The following PCARE variants were observed in gnomAD, a reference collection of about 807,000 sequenced individuals.
PCARE encodes photoreceptor cilium actin regulator.
A neutral mutation model predicts 82.2 loss-of-function variants in PCARE; 72 were observed. That is an observed-to-expected ratio of 0.88 (90% confidence interval 0.72 to 1.07). PCARE has a LOEUF of 1.07. PCARE is among the 50% of genes least tolerant of loss of function. The pLI is 0.00. For synonymous variants in PCARE, 705 were observed against 634.8 expected (o/e 1.11, Z -1.66); for missense variants, 1,768 against 1,592.4 (o/e 1.11, Z -1.88).
At chr2:29,068,197 G>T (rs1012548152) in intron 1 of PCARE, among the ~76,000 whole-genome samples, 4 of 152,196 alleles carry the variant, frequency 2.6e-5, no homozygotes, top group African/African-American at 9.7e-5. Flanking sequence ...GCTCATTTTA[G>T]ATTTAAGAAA....
rs1435199229 is a variant in PCARE, at chr2:29,074,082, C to T, written c.180G>A (p.Glu60=). The T allele has an allele frequency of 1.2e-6, 2 of 1,614,234 alleles. No homozygotes were observed. Among genetic ancestry groups the T allele is most frequent in the Non-Finnish European group, 1.7e-6 (2 of 1,180,048 alleles). The change falls in exon 1 of 2, where the codon GAG becomes GAA. Residue 60 remains glutamate, a synonymous_variant. Transcript: ENST00000331664. ...TTTGGTTCCTCCTGGGACTTGGCTG[C>T]TCCTCTGCCAGGCCCTCCCCAGCGT... ...CYDAGEGLAE[E]QPSPRRNQTT...
In PCARE at chr2:29,070,668, C is replaced by T. The variant is rs910188540; in HGVS notation, c.3594G>A (p.Gln1198=). 8.7e-6 allele frequency: 14 copies of T among 1,614,040 alleles called. No individual in the cohort carries two copies. In the Admixed American group the frequency reaches 1.7e-4, roughly 19 times the overall value. The change falls in exon 1 of 2, where the codon CAG becomes CAA. Residue 1198 remains glutamine, a synonymous_variant. Coordinates refer to ENST00000331664, the MANE Select transcript of PCARE (RefSeq NM_001029883.3). ...TGGGAGGCTGCGGTCGGCCACCTGGCTGGCGGTCAGAAGCTGTCCTCCTGA... is the reference window on the plus strand; with the variant it reads ...TGGGAGGCTGCGGTCGGCCACCTGGTTGGCGGTCAGAAGCTGTCCTCCTGA... ...PFLRRTASDR[Q]PGGRPQPPTL... is the part of the protein sequence containing the mutation.
chr2:29,072,223 T>TGG lies in PCARE; in HGVS notation c.2038_2039insCC (p.Gln680ProfsTer66). 6.2e-7 allele frequency: 1 copy of TGG among 1,614,252 alleles called. No individual in the cohort carries two copies. The highest frequency in any genetic ancestry group is 8.5e-7 in the Non-Finnish European group (1 of 1,180,044). The stretch of plus-strand genomic sequence containing the variant: ...GCATTTCTGCAAGATGCTCTTGTCC[T>TGG]GACTAGGCAAAATACTGAAGTTCTT... On this transcript the variant is annotated frameshift_variant, in exon 1 of 2. Transcript: ENST00000331664. LOFTEE classifies it high-confidence loss of function.
At position 29,070,913 on chromosome 2, in the gene PCARE, C is replaced by A. The variant is rs1286977865; in HGVS notation, c.3349G>T (p.Gly1117Trp). ...GGGCAGAATATGGAATGTGTGTTCC[C>A]AGACACTTTGGCTATGACTGCTTGG... ...DSQAVIAKVS[G>W]NTHSIFCPAT... The change falls in exon 1 of 2, where the codon GGG (glycine) becomes TGG (tryptophan). Residue 1117 changes from glycine to tryptophan, a missense_variant. By Grantham distance (184) the Gly-to-Trp change is radical (BLOSUM62 -2). Transcript: ENST00000331664. 7 of 1,613,820 alleles carry A rather than the reference C, an allele frequency of 4.3e-6. No individual in the cohort carries two copies. Among genetic ancestry groups the A allele is most frequent in the Non-Finnish European group, 4.2e-6 (5 of 1,180,002 alleles).
At position 29,072,449 on chromosome 2, in the gene PCARE, C is replaced by T. The variant is rs1667508082; in HGVS notation, c.1813G>A (p.Glu605Lys). 6.2e-7 allele frequency: 1 copy of T among 1,614,218 alleles called. No homozygotes were observed. The highest frequency in any genetic ancestry group is 8.5e-7 in the Non-Finnish European group (1 of 1,180,032). Residue 605 changes from glutamate to lysine, a missense_variant, in exon 1 of 2, where the codon GAG (glutamate) becomes AAG (lysine). Coordinates refer to ENST00000331664, the MANE Select transcript of PCARE (RefSeq NM_001029883.3). Reference protein sequence around the residue: ...QSESCLQSHVEDPTFQELRRV... With the variant: ...QSESCLQSHVKDPTFQELRRV... ...CGCAGCTCCTGAAAGGTGGGGTCCT[C>T]CACGTGACTCTGGAGACACGACTCT...
chr2:29,071,273 TG>T lies in PCARE; in HGVS notation c.2988del (p.Thr997ArgfsTer38). The T allele has an allele frequency of 1.2e-6, 2 of 1,613,506 alleles. No homozygotes were observed. ...GCTTGAGGCACCCAGTGTGTCCTCGTGGGAGAGGCCTTTCTGCCCACAGGGG... is the reference window on the plus strand; with the variant it reads ...GCTTGAGGCACCCAGTGTGTCCTCGTGGAGAGGCCTTTCTGCCCACAGGGG... ...RSPPVGRKAS[P>X]TRTHWVPQAD... On this transcript the variant is annotated frameshift_variant, in exon 1 of 2. Transcript: ENST00000331664. LOFTEE classifies it high-confidence loss of function.
chr2:29,072,094 C>G lies in PCARE; in HGVS notation c.2168G>C (p.Arg723Thr). ...EAAKATDWNV[R>T]GCPTRTSVKK... The stretch of plus-strand genomic sequence containing the variant: ...GACGGATGTTCTGGTGGGACAGCCT[C>G]TGACATTCCAGTCTGTGGCCTTGGC... The change falls in exon 1 of 2, where the codon AGA (arginine) becomes ACA (threonine). Residue 723 changes from arginine to threonine, a missense_variant. Transcript: ENST00000331664. The G allele has an allele frequency of 6.2e-7, 1 of 1,614,268 alleles. No homozygotes were observed. The highest frequency in any genetic ancestry group is 8.5e-7 in the Non-Finnish European group (1 of 1,180,058).
rs1201770757 is a variant in PCARE at position 29,063,843 on chromosome 2, T to C, written c.*1026A>G. On this transcript the variant is annotated 3_prime_UTR_variant, in exon 2 of 2. Transcript: ENST00000331664. Reference sequence around the variant, plus strand: ...CGACTCCAGCAGAAGTTCTGCAAGATGACCTGGGAATAAAGTTGGCCAAGA... The same window carrying C: ...CGACTCCAGCAGAAGTTCTGCAAGACGACCTGGGAATAAAGTTGGCCAAGA... 1 of 152,396 alleles carries C rather than the reference T, an allele frequency of 6.6e-6. No homozygotes were observed. The highest frequency in any genetic ancestry group is 1.5e-5 in the Non-Finnish European group (1 of 68,052). 9.4% of individuals were successfully genotyped at this position (152,396 alleles called of 1,614,324 possible). A position where few individuals can be genotyped will look rare whatever the true frequency, so the allele number is the denominator to read the frequency against.
At position 29,071,873 on chromosome 2, in the gene PCARE, C is replaced by T. The variant is rs1275930383; in HGVS notation, c.2389G>A (p.Gly797Ser). 12 of 1,614,112 alleles carry T rather than the reference C, an allele frequency of 7.4e-6. No individual in the cohort carries two copies. Among genetic ancestry groups the T allele is most frequent in the Non-Finnish European group, 9.3e-6 (11 of 1,180,060 alleles). Residue 797 changes from glycine (G) to serine (S), a missense_variant, in exon 1 of 2, where the codon GGC becomes AGC. Coordinates refer to ENST00000331664, the MANE Select transcript of PCARE (RefSeq NM_001029883.3). ...SGRESLKMGI[G>S]WKPLAPIFPP... ...AAGATAGGTGCTAAGGGCTTCCAGCCTATGCCCATTTTGAGAGATTCTCTG... is the reference window on the plus strand; with the variant it reads ...AAGATAGGTGCTAAGGGCTTCCAGCTTATGCCCATTTTGAGAGATTCTCTG...
chr2:29,070,246 G>A (rs1417775666), intron 1 of PCARE, among the ~76,000 whole-genome samples: 2 of 152,072 alleles, frequency 1.3e-5, no homozygotes, highest in Non-Finnish European at 1.5e-5. Flanking sequence ...TTAGGTATTT[G>A]TCCTAAGGCT....
intron 1 of PCARE, among the ~76,000 whole-genome samples, chr2:29,067,215 C>T (rs914237738): frequency 6.6e-6 from 1 of 152,202 alleles, no homozygotes; most frequent in East Asian, 1.9e-4. Flanking sequence ...GGCTTCCTGG[C>T]ACTGGCTTGT....
chr2:29,070,751 G>T lies in PCARE; in HGVS notation c.3511C>A (p.Leu1171Met). 1.9e-6 allele frequency: 3 copies of T among 1,614,196 alleles called. No homozygotes were observed. In the South Asian group the frequency reaches 3.3e-5, roughly 18 times the overall value. ...ECWKNSSGPW[L>M]RADSQRRAAL... ...GCTCTCCGCTGCGAGTCTGCTCTCA[G>T]CCAAGGCCCTGAGCTGTTCTTCCAG... The change falls in exon 1 of 2, where the codon CTG becomes ATG. Residue 1171 changes from leucine to methionine, a missense_variant. Coordinates refer to ENST00000331664, the MANE Select transcript of PCARE (RefSeq NM_001029883.3).
In PCARE at chr2:29,070,905, T is replaced by G. The variant is rs768268421; in HGVS notation, c.3357A>C (p.Thr1119=). 235 of 1,613,412 alleles carry G rather than the reference T, an allele frequency of 1.5e-4. No homozygotes were observed. Among genetic ancestry groups the G allele is most frequent in the Non-Finnish European group, 1.9e-4 (226 of 1,179,926 alleles). ...QAVIAKVSGN[T]HSIFCPATSS... is the part of the protein sequence containing the mutation. ...AGGTAGCTGGGCAGAATATGGAATG[T>G]GTGTTCCCAGACACTTTGGCTATGA... The change falls in exon 1 of 2, where the codon ACA becomes ACC. Residue 1119 remains threonine (T), a synonymous_variant. Transcript: ENST00000331664.
At position 29,074,421 on chromosome 2, in the gene PCARE, C is replaced by A. The variant is rs1667552233; in HGVS notation, c.-160G>T. Among the ~76,000 whole-genome samples the A allele has an allele frequency of 1.3e-5, 2 of 152,216 alleles. No individual in the cohort carries two copies. Among genetic ancestry groups the A allele is most frequent in the African/African-American group, 4.8e-5 (2 of 41,458 alleles). ...ATATCCTAAACTTGGAACCAGCTTT[C>A]TTTATTTTCTTGGTCCAAATGTGAA... On this transcript the variant is annotated 5_prime_UTR_variant, in exon 1 of 2. Transcript: ENST00000331664.
At position 29,071,594 on chromosome 2, in the gene PCARE, C is replaced by T. The variant is rs757131197; in HGVS notation, c.2668G>A (p.Asp890Asn). ...GCGGTGCTCTTGCTGGGCAGCAAGT[C>T]CAGGGGGCTCACAGAGGCCCTCAGC... ...PKLRASVSPL[D>N]LLPSKSTASL... Residue 890 changes from aspartate to asparagine, a missense_variant, in exon 1 of 2, where the codon GAC (aspartate) becomes AAC (asparagine). Transcript: ENST00000331664. 1 of 1,612,148 alleles carries T rather than the reference C, an allele frequency of 6.2e-7. No individual in the cohort carries two copies. Among genetic ancestry groups the T allele is most frequent in the Non-Finnish European group, 8.5e-7 (1 of 1,179,968 alleles).
At chr2:29,069,753 G>A (rs567697782) in intron 1 of PCARE, among the ~76,000 whole-genome samples, 32 of 152,148 alleles carry the variant, frequency 2.1e-4, no homozygotes, top group African/African-American at 7.0e-4. Flanking sequence ...TTGTGTTAAC[G>A]TATTTTTTAA....
chr2:29,070,800 GC>G lies in PCARE; in HGVS notation c.3461del (p.Gly1154AlafsTer18). 6.2e-7 allele frequency: 1 copy of G among 1,614,042 alleles called. No individual in the cohort carries two copies. Among genetic ancestry groups the G allele is most frequent in the African/African-American group, 1.3e-5 (1 of 75,042 alleles). On this transcript the variant is annotated frameshift_variant, in exon 1 of 2. Coordinates refer to ENST00000331664, the MANE Select transcript of PCARE (RefSeq NM_001029883.3). LOFTEE classifies it high-confidence loss of function. ...AGCATTCTGCTGGGTTCCCGAGAGG[GC>G]CCCCAGCCTCTGGCGGCAGCGATGG... ...TPPSLPPEAG[G>X]PLGNPAECWK...
At chr2:29,067,811 C>T (rs1167405154) in intron 1 of PCARE, among the ~76,000 whole-genome samples, 1 of 152,212 alleles carries the variant, frequency 6.6e-6, no homozygotes, top group East Asian at 1.9e-4. Context: ...TCCCAAAGTG[C>T]TGGGATTACT....
rs149915190 is a variant in PCARE, at chr2:29,074,160, G to A, written c.102C>T (p.Gly34=). 3.9e-4 allele frequency: 628 copies of A among 1,611,146 alleles called. 2 individuals are homozygous for A. The Admixed American group carries it at 5.5e-3, about 14-fold the overall frequency. The change falls in exon 1 of 2, where the codon GGC becomes GGT. Residue 34 remains glycine, a synonymous_variant. Coordinates refer to ENST00000331664, the MANE Select transcript of PCARE (RefSeq NM_001029883.3). ...AAGGGATGGAACCTCTTTCACTTCC[G>A]CCCTGACATCCTGGCCGAATTGCTT... is the stretch of plus-strand genomic sequence containing the variant. ...KPKAIRPGCQ[G]GSERGSIPLL... is the part of the protein sequence containing the mutation.
Sources: allele counts gnomAD v4.1 joint callset (sites outside exome capture counted in the v4.1 genomes callset), GRCh38; gene constraint gnomAD v4.1.1; transcripts MANE v1.5; gene names NCBI Gene and HGNC (gene_info 2026-07-23, HGNC 2026-07-21).